DNAH14: variants seen among roughly 807,000 people sequenced by gnomAD.
DNAH14 encodes dynein axonemal heavy chain 14.
A neutral mutation model predicts 520.9 loss-of-function variants in DNAH14; 478 were observed. The ratio of observed to expected loss-of-function variants is 0.92; its 90% confidence interval spans 0.85 to 0.99. DNAH14 has a LOEUF of 0.99. Among genes scored for constraint, DNAH14 ranks in the 50% least tolerant of loss-of-function variants. DNAH14 has a pLI of 0.00. For missense variants in DNAH14, 4,831 were observed against 5,234.5 expected (o/e 0.92, Z 2.38); for synonymous variants, 1,581 against 1,757.2 (o/e 0.90, Z 2.51).
chr1:225,219,118 T>G lies in DNAH14; in HGVS notation c.6439+11898T>G, dbSNP rs188586110. Among the ~76,000 whole-genome samples the G allele has an allele frequency of 2.0e-5, 3 of 152,144 alleles. No individual in the cohort carries two copies. The East Asian group carries it at 5.8e-4, about 29-fold the overall frequency. ...GAAATGACTAAGTTTTTAAAATGAA[T>G]GAGAACAAAGACACAGCCTACCAGA... On this transcript the variant is annotated intron_variant, in intron 41 of 85. Coordinates refer to ENST00000682510, the MANE Select transcript of DNAH14 (RefSeq NM_001367479.1).
chr1:225,302,782 G>A (rs1394953994), intron 56 of DNAH14, among the ~76,000 whole-genome samples: 1 of 152,052 alleles, frequency 6.6e-6, no homozygotes, highest in African/African-American at 2.4e-5. Flanking sequence ...GTTTCTTTCA[G>A]CTCTAATTCA....
At chr1:225,283,665 A>G (rs914436805) in intron 54 of DNAH14, among the ~76,000 whole-genome samples, 7 of 152,144 alleles carry the variant, frequency 4.6e-5, no homozygotes, top group Non-Finnish European at 1.0e-4. Context: ...AGACTTCAAC[A>G]GTATAGTAAA....
chr1:225,393,814 GT>G (rs1354333069), intron 84 of DNAH14, among the ~76,000 whole-genome samples: 4 of 143,118 alleles, frequency 2.8e-5, no homozygotes, highest in Admixed American at 6.8e-5. Context: ...ATCTTTTTTT[GT>G]TTTTTTTTTG....
At chr1:225,252,074 ACTTCAC>A (rs1168867755) in intron 43 of DNAH14, among the ~76,000 whole-genome samples, 1 of 152,190 alleles carries the variant, frequency 6.6e-6, no homozygotes, top group African/African-American at 2.4e-5. Flanking sequence ...ATCAGATCAT[ACTTCAC>A]CTTGCTTTCT....
chr1:225,170,834 C>G (rs1429691638), intron 36 of DNAH14, among the ~76,000 whole-genome samples: 1 of 152,168 alleles, frequency 6.6e-6, no homozygotes. Flanking sequence ...CAGCACCACA[C>G]CGCACTTATT....
intron 23 of DNAH14, 37 bp from the exon 24 acceptor site, chr1:225,117,647 A>T (rs764305814): frequency 8.0e-7 from 1 of 1,245,026 alleles, no homozygotes; most frequent in South Asian, 1.3e-5. Flanking sequence ...ATAATTAAGC[A>T]TATATTCTGA....
At chr1:225,101,101 A>G (rs12096616) in intron 23 of DNAH14, among the ~76,000 whole-genome samples, 6,266 of 152,076 alleles carry the variant, frequency 0.041, 375 homozygotes, top group African/African-American at 0.13. Flanking sequence ...AAATTATCAA[A>G]CTTTTGAGTG....
chr1:225,048,440 G>T (rs761967118), intron 15 of DNAH14, among the ~76,000 whole-genome samples: 2 of 152,148 alleles, frequency 1.3e-5, no homozygotes, highest in African/African-American at 2.4e-5. Flanking sequence ...AGGTCAAGGC[G>T]CAGTGAGCCA....
At chr1:225,174,813 C>T (rs1456289232) in intron 36 of DNAH14, among the ~76,000 whole-genome samples, 1 of 152,078 alleles carries the variant, frequency 6.6e-6, no homozygotes, top group African/African-American at 2.4e-5. Context: ...GTGGGTTTGT[C>T]GTATATTCAC....
At position 225,048,778 on chromosome 1, in the gene DNAH14, G is replaced by A. The variant is rs114867019; in HGVS notation, c.1913-1432G>A. Among the ~76,000 whole-genome samples the A allele has an allele frequency of 2.2e-3, 340 of 152,144 alleles. 2 individuals carry two copies. Among genetic ancestry groups the A allele is most frequent in the Non-Finnish European group, 2.7e-3 (184 of 67,998 alleles). On this transcript the variant is annotated intron_variant, in intron 15 of 85. Transcript: ENST00000682510. ...GTAATATATTTAACATTATGAGAATGGCCAGACTGTTTTGCAAAGTGGTTG... is the reference window on the plus strand; with the variant it reads ...GTAATATATTTAACATTATGAGAATAGCCAGACTGTTTTGCAAAGTGGTTG...
Position 225,353,890 on chromosome 1 carries a change from T to C in DNAH14, c.11619+2T>C, listed in dbSNP as rs2095400494. 7.1e-7 allele frequency: 1 copy of C among 1,406,994 alleles called. No homozygotes were observed. Among genetic ancestry groups the C allele is most frequent in the Non-Finnish European group, 9.8e-7 (1 of 1,022,426 alleles). The allele number at this position is 1,406,994 out of a possible 1,614,324, so 87.2% of individuals were successfully genotyped here. ...ACTTCATTTCAAAGACTTATTTTGG[T>C]AAGATATCTTATGAGGAAATATTAA... On this transcript the variant is annotated splice_donor_variant, in intron 73 of 85. Transcript: ENST00000682510. LOFTEE classifies it high-confidence loss of function.
At chr1:225,256,980 G>A (rs1440296967) in intron 44 of DNAH14, among the ~76,000 whole-genome samples, 1 of 152,116 alleles carries the variant, frequency 6.6e-6, no homozygotes, top group Non-Finnish European at 1.5e-5. Flanking sequence ...AGCACTAACT[G>A]TCCACATCAA....
intron 23 of DNAH14, among the ~76,000 whole-genome samples, chr1:225,115,184 T>A (rs1209312845): frequency 6.6e-6 from 1 of 151,476 alleles, no homozygotes; most frequent in Non-Finnish European, 1.5e-5. Context: ...TGTGCTAAGC[T>A]GCCTAGAGCT....
intron 11 of DNAH14, among the ~76,000 whole-genome samples, chr1:225,027,099 T>C (rs2066173740): frequency 6.6e-6 from 1 of 152,172 alleles, no homozygotes; most frequent in Admixed American, 6.6e-5. Context: ...TGTTTATTGA[T>C]CTTATGTCCT....
chr1:225,134,024 G>A (rs2078726134), intron 27 of DNAH14, among the ~76,000 whole-genome samples: 1 of 151,812 alleles, frequency 6.6e-6, no homozygotes, highest in African/African-American at 2.4e-5. Flanking sequence ...TTGGCTCTCT[G>A]CTTGCTTGGT....
intron 17 of DNAH14, among the ~76,000 whole-genome samples, chr1:225,072,565 C>G (rs2071669318): frequency 6.6e-6 from 1 of 152,190 alleles, no homozygotes; most frequent in Admixed American, 6.5e-5. Context: ...GTTCCAGAGT[C>G]TTGCTGGAGA....
chr1:224,974,771 G>A (rs971972812), intron 8 of DNAH14, among the ~76,000 whole-genome samples: 3 of 152,026 alleles, frequency 2.0e-5, no homozygotes, highest in Non-Finnish European at 2.9e-5. Context: ...TAATCTGTTT[G>A]CCATTTCTGT....
intron 60 of DNAH14, among the ~76,000 whole-genome samples, chr1:225,311,682 C>T (rs974886792): frequency 1.3e-5 from 2 of 152,018 alleles, no homozygotes; most frequent in Non-Finnish European, 2.9e-5. Context: ...AGCCAATTTT[C>T]CCAACACTAT....
chr1:225,281,251 G>C (rs1201491209), intron 54 of DNAH14, among the ~76,000 whole-genome samples: 2 of 152,122 alleles, frequency 1.3e-5, no homozygotes, highest in Non-Finnish European at 2.9e-5. Context: ...CTAGCTTCTA[G>C]AGTCTTTCTG....
Sources: gnomAD v4.1 joint callset for allele counts (sites outside exome capture counted in the v4.1 genomes callset) on GRCh38, gnomAD v4.1.1 for gene constraint, MANE v1.5 for transcripts, NCBI Gene and HGNC (gene_info 2026-07-23, HGNC 2026-07-21) for gene names.